SND1: variants seen among roughly 807,000 people sequenced by gnomAD.
SND1 encodes the protein staphylococcal nuclease and tudor domain containing 1, also known as staphylococcal nuclease domain-containing protein 1.
In SND1, 38 loss-of-function variants were observed where a neutral mutation model predicts 121.7. The ratio of observed to expected loss-of-function variants is 0.31; its 90% CI spans 0.24 to 0.41. The LOEUF is 0.41. Among genes scored for constraint, SND1 ranks in the 10% least tolerant of loss-of-function variants. The pLI is 1.00. For synonymous variants in SND1, 401 were observed against 447.4 expected, an observed-to-expected ratio of 0.90 and a Z score of 1.31; for missense variants, 868 against 1,184.6, an observed-to-expected ratio of 0.73 and a Z score of 3.92.
intron 16 of SND1, among the ~76,000 whole-genome samples, chr7:128,051,608 G>C (rs1793047132): frequency 6.6e-6 from 1 of 152,236 alleles, no homozygotes; most frequent in Admixed American, 6.5e-5. Context: ...TCAGTTCTAA[G>C]CAGTGTGTTT....
chr7:128,089,579 TG>T lies in SND1; in HGVS notation c.2510del (p.Cys837SerfsTer20), dbSNP rs1317127269. 6.2e-7 allele frequency: 1 copy of T among 1,614,102 alleles called. No individual in the cohort carries two copies. Among genetic ancestry groups the T allele is most frequent in the East Asian group, 2.2e-5 (1 of 44,890 alleles). On this transcript the variant is annotated frameshift_variant, in exon 22 of 24. Transcript: ENST00000354725. LOFTEE classifies it high-confidence loss of function. Reference protein sequence around the residue: ...LLNVEHLSAGCPHVTLQFADS... With the variant: ...LLNVEHLSAGXPHVTLQFADS... ...CAACGTGGAACACCTGAGTGCCGGC[TG>T]CCCCCATGTCACCCTGCAGTTTGCA...
chr7:128,043,416 A>T (rs2117009869), intron 16 of SND1, among the ~76,000 whole-genome samples: 1 of 152,168 alleles, frequency 6.6e-6, no homozygotes, highest in South Asian at 2.1e-4. Flanking sequence ...TCTACTAAAA[A>T]TACAAAAATT....
At chr7:128,026,812 T>C (rs1041131049) in intron 16 of SND1, among the ~76,000 whole-genome samples, 12 of 152,222 alleles carry the variant, frequency 7.9e-5, no homozygotes, top group African/African-American at 1.9e-4. Context: ...ATAGGGAATT[T>C]GATTATACCC....
chr7:127,910,697 GT>G (rs961169586), intron 14 of SND1, among the ~76,000 whole-genome samples: 1 of 152,090 alleles, frequency 6.6e-6, no homozygotes, highest in African/African-American at 2.4e-5. Flanking sequence ...GAGTGTATTT[GT>G]TTTTTGTTGT....
chr7:128,071,266 G>C (rs1793404480), intron 16 of SND1, among the ~76,000 whole-genome samples: 1 of 152,208 alleles, frequency 6.6e-6, no homozygotes, highest in South Asian at 2.1e-4. Flanking sequence ...TCTTTAAACA[G>C]AAACACAGAA....
chr7:127,782,303 A>G (rs767632001), intron 10 of SND1, among the ~76,000 whole-genome samples: 2 of 152,126 alleles, frequency 1.3e-5, no homozygotes, highest in Non-Finnish European at 2.9e-5. Flanking sequence ...CCTAATCACA[A>G]TAGTGGTTTC....
intron 16 of SND1, among the ~76,000 whole-genome samples, chr7:127,992,174 A>G (rs183651651): frequency 3.3e-5 from 5 of 152,296 alleles, no homozygotes; most frequent in African/African-American, 1.2e-4. Context: ...GCTTAATTGT[A>G]TCATCAGATT....
At chr7:128,034,511 C>G (rs1416717811) in intron 16 of SND1, among the ~76,000 whole-genome samples, 1 of 152,198 alleles carries the variant, frequency 6.6e-6, no homozygotes, top group Non-Finnish European at 1.5e-5. Context: ...GGGTCTCTGC[C>G]TGGGCTGGTC....
At chr7:127,928,781 G>A (rs1339738184) in intron 14 of SND1, among the ~76,000 whole-genome samples, 1 of 152,070 alleles carries the variant, frequency 6.6e-6, no homozygotes, top group African/African-American at 2.4e-5. Context: ...AGTAGAGACA[G>A]GGTTTTGCCA....
intron 12 of SND1, among the ~76,000 whole-genome samples, chr7:127,861,345 C>A (rs1188564626): frequency 6.6e-6 from 1 of 152,136 alleles, no homozygotes; most frequent in Non-Finnish European, 1.5e-5. Context: ...GGTTTGGATC[C>A]TTTGAATTGG....
At chr7:127,821,264 A>G (rs778700543) in intron 11 of SND1, among the ~76,000 whole-genome samples, 18 of 152,190 alleles carry the variant, frequency 1.2e-4, no homozygotes, top group Non-Finnish European at 7.3e-5. Flanking sequence ...TGCTCTAATG[A>G]TGCAGTAGCC....
intron 12 of SND1, among the ~76,000 whole-genome samples, chr7:127,886,829 G>A (rs1273173183): frequency 3.2e-5 from 4 of 126,332 alleles, no homozygotes; most frequent in Non-Finnish European, 6.4e-5. Context: ...TCCCAAGTGT[G>A]AGCAATTTTC....
intron 18 of SND1, chr7:128,081,962 C>T (rs764190051): frequency 9.3e-6 from 5 of 534,960 alleles, no homozygotes; most frequent in South Asian, 7.0e-5. Context: ...GTTTCTCCTT[C>T]TCTAGAGGTT....
chr7:127,674,711 A>G (rs887895479), intron 1 of SND1, among the ~76,000 whole-genome samples: 4 of 152,026 alleles, frequency 2.6e-5, no homozygotes, highest in African/African-American at 4.8e-5. Context: ...GTTTTTGGAG[A>G]AAAAAAATGC....
chr7:128,006,738 A>G (rs1015465031), intron 16 of SND1, among the ~76,000 whole-genome samples: 1 of 152,210 alleles, frequency 6.6e-6, no homozygotes, highest in African/African-American at 2.4e-5. Flanking sequence ...AAGTGAGCCA[A>G]TTCCCAGAAA....
intron 10 of SND1, among the ~76,000 whole-genome samples, chr7:127,727,451 C>T (rs540983027): frequency 1.3e-5 from 2 of 152,320 alleles, no homozygotes; most frequent in African/African-American, 4.8e-5. Flanking sequence ...AATGACTGGT[C>T]CCTCTGGACC....
At chr7:127,762,157 A>C (rs944329843) in intron 10 of SND1, among the ~76,000 whole-genome samples, 1 of 152,234 alleles carries the variant, frequency 6.6e-6, no homozygotes, top group African/African-American at 2.4e-5. Flanking sequence ...AAAAGTTTAC[A>C]GTAGACTAGG....
In SND1 at chr7:128,092,154, T is replaced by C. The variant is rs1468090977; in HGVS notation, c.*96T>C. 1.5e-6 allele frequency: 2 copies of C among 1,296,126 alleles called. No individual in the cohort carries two copies. Among genetic ancestry groups the C allele is most frequent in the South Asian group, 2.4e-5 (2 of 81,824 alleles). The allele number at this position is 1,296,126 out of a possible 1,614,324, so 80.3% of individuals were successfully genotyped here. On this transcript the variant is annotated 3_prime_UTR_variant, in exon 24 of 24. Transcript: ENST00000354725. The surrounding 1 kb of genome is among the most constrained non-coding windows in gnomAD (Gnocchi z 4.9). ...AACTCCAAACCCCAGAGAGGGGTTGTAGATTGGGTCCAGCTTTGCTTCAGT... is the reference window on the plus strand; with the variant it reads ...AACTCCAAACCCCAGAGAGGGGTTGCAGATTGGGTCCAGCTTTGCTTCAGT...
At chr7:127,695,418 C>A (rs1422557771) in intron 3 of SND1, among the ~76,000 whole-genome samples, 1 of 152,130 alleles carries the variant, frequency 6.6e-6, no homozygotes, top group Non-Finnish European at 1.5e-5. Flanking sequence ...GGAAGGAGCA[C>A]AGATGTCGGG....
Sources: gnomAD v4.1 joint callset for allele counts (sites outside exome capture counted in the v4.1 genomes callset) on GRCh38, gnomAD v4.1.1 for gene constraint, Gnocchi (gnomAD v3.1) non-coding constraint, MANE v1.5 for transcripts, NCBI Gene and HGNC (gene_info 2026-07-23, HGNC 2026-07-21) for gene names.